Variants in EPB41L4A observed in about 807,000 individuals in gnomAD.
EPB41L4A encodes the protein erythrocyte membrane protein band 4.1 like 4A, also known as band 4.1-like protein 4A.
In EPB41L4A, 100 loss-of-function variants were observed where a neutral mutation model predicts 108.6. The ratio of observed to expected loss-of-function variants is 0.92; its 90% CI spans 0.78 to 1.09. The LOEUF is 1.09. Among genes scored for constraint, EPB41L4A ranks in the 50% least tolerant of loss-of-function variants. The pLI is 0.00. For synonymous variants in EPB41L4A, 319 were observed against 289.0 expected (o/e 1.10, Z -1.05); for missense variants, 1,030 against 842.7 (o/e 1.22, Z -2.75).
chr5:112,246,337 A>G (rs1026812524), intron 9 of EPB41L4A, among the ~76,000 whole-genome samples: 1 of 152,182 alleles, frequency 6.6e-6, no homozygotes, highest in African/African-American at 2.4e-5. Context: ...ATACATAAAT[A>G]CTTACCATAG....
intron 15 of EPB41L4A, chr5:112,196,917 T>A (rs1761990683): frequency 6.6e-6 from 1 of 152,220 alleles, no homozygotes; most frequent in African/African-American, 2.4e-5. Flanking sequence ...ATGATTTTGT[T>A]TTCTCCTTCC....
chr5:112,146,002 T>A (rs369963074), intron 12 of EPB41L4A: 5 of 455,408 alleles, frequency 1.1e-5, no homozygotes, highest in Admixed American at 9.5e-5. Flanking sequence ...GGACACCCTG[T>A]TAAAGAAAAA....
At chr5:112,353,566 A>G (rs186586891) in intron 1 of EPB41L4A, among the ~76,000 whole-genome samples, 1 of 151,838 alleles carries the variant, frequency 6.6e-6, no homozygotes, top group East Asian at 1.9e-4. Flanking sequence ...CGGTGGGCCC[A>G]TTTTCAGACC....
chr5:112,359,978 G>A (rs75053001), intron 1 of EPB41L4A, among the ~76,000 whole-genome samples: 3,822 of 152,220 alleles, frequency 0.025, 168 homozygotes, highest in African/African-American at 0.086. Context: ...AATTACTGAC[G>A]TGTATGTGCT....
At chr5:112,143,625 A>G (rs1191282296) in exon 14 of EPB41L4A, 4 of 203,342 alleles carry the variant, frequency 2.0e-5, no homozygotes, top group Non-Finnish European at 4.2e-5. Context: ...CATTCTTACT[A>G]TTGCAGACAG....
chr5:112,387,026 T>G (rs1319130322), intron 1 of EPB41L4A, among the ~76,000 whole-genome samples: 1 of 152,064 alleles, frequency 6.6e-6, no homozygotes, highest in Non-Finnish European at 1.5e-5. Flanking sequence ...CTTTGGATAC[T>G]GATTTAAGGC....
chr5:112,279,901 C>T (rs2150505109), intron 3 of EPB41L4A, among the ~76,000 whole-genome samples: 1 of 152,238 alleles, frequency 6.6e-6, no homozygotes, highest in South Asian at 2.1e-4. Flanking sequence ...AACTCAAGCT[C>T]TTTAAAAGCT....
rs1226940818 is a variant in EPB41L4A at position 112,164,772 on chromosome 5, T to TGCGGTGAGCTGAC, written c.*205_*217dup. On this transcript the variant is annotated 3_prime_UTR_variant, in exon 23 of 23. Coordinates refer to ENST00000261486, the MANE Select transcript of EPB41L4A (RefSeq NM_022140.5). ...ATCGCTTAACCCAGTAAGTGGAGGC[T>TGCGGTGAGCTGAC]GCGGTGAGCTGACACGGTGCCGCTG... The TGCGGTGAGCTGAC allele has an allele frequency of 1.1e-5, 4 of 348,276 alleles. No individual in the cohort carries two copies. Among genetic ancestry groups the TGCGGTGAGCTGAC allele is most frequent in the Non-Finnish European group, 2.0e-5 (4 of 198,598 alleles). The allele number at this position is 348,276 out of a possible 1,614,324, so 21.6% of individuals were successfully genotyped here. A position where few individuals can be genotyped will look rare whatever the true frequency, so the allele number is the denominator to read the frequency against.
At chr5:112,204,152 AG>A (rs1161863947) in intron 15 of EPB41L4A, among the ~76,000 whole-genome samples, 1 of 151,834 alleles carries the variant, frequency 6.6e-6, no homozygotes, top group Admixed American at 6.6e-5. Flanking sequence ...GAATACAGAA[AG>A]CAAGTTCCTG....
intron 1 of EPB41L4A, among the ~76,000 whole-genome samples, chr5:112,374,356 G>A (rs1759677710): frequency 6.6e-6 from 1 of 152,324 alleles, no homozygotes; most frequent in South Asian, 2.1e-4. Flanking sequence ...ACCCAAAGCT[G>A]TAGATCAAAA....
At chr5:112,352,795 T>C (rs753589233) in intron 1 of EPB41L4A, among the ~76,000 whole-genome samples, 16 of 152,236 alleles carry the variant, frequency 1.1e-4, no homozygotes, top group Middle Eastern at 3.2e-3. Context: ...TATCACTACA[T>C]TGAATACTCT....
At chr5:112,245,870 G>A (rs1330765047) in intron 9 of EPB41L4A, among the ~76,000 whole-genome samples, 1 of 152,204 alleles carries the variant, frequency 6.6e-6, no homozygotes, top group African/African-American at 2.4e-5. Flanking sequence ...CCAGAAAAGA[G>A]TGTCAGAGAG....
intron 15 of EPB41L4A, among the ~76,000 whole-genome samples, chr5:112,202,505 G>A (rs1403106493): frequency 2.0e-5 from 3 of 152,176 alleles, no homozygotes; most frequent in Non-Finnish European, 2.9e-5. Flanking sequence ...ATTTCCCAAA[G>A]GGTTATTATT....
intron 12 of EPB41L4A, among the ~76,000 whole-genome samples, chr5:112,152,899 T>A (rs927914680): frequency 4.6e-5 from 7 of 152,226 alleles, no homozygotes; most frequent in African/African-American, 1.7e-4. Flanking sequence ...TGTATGAATA[T>A]GGATGCAATA....
chr5:112,196,162 G>T (rs1286628988), intron 15 of EPB41L4A, among the ~76,000 whole-genome samples: 1 of 152,046 alleles, frequency 6.6e-6, no homozygotes, highest in African/African-American at 2.4e-5. Context: ...CAAACACTTT[G>T]CTCTCTTACC....
chr5:112,230,590 CCTG>C (rs1179047748), intron 12 of EPB41L4A, among the ~76,000 whole-genome samples: 8 of 151,826 alleles, frequency 5.3e-5, no homozygotes, highest in Admixed American at 2.0e-4. Flanking sequence ...CATTTTTTTT[CCTG>C]CTGATTTCAG....
At chr5:112,175,711 T>TAG (rs772302063) in intron 18 of EPB41L4A, among the ~76,000 whole-genome samples, 2 of 119,114 alleles carry the variant, frequency 1.7e-5, no homozygotes, top group African/African-American at 3.0e-5. Flanking sequence ...GTATATATTA[T>TAG]ATCTGAAGAT....
At chr5:112,166,311 G>T (rs1324435190) in intron 22 of EPB41L4A, among the ~76,000 whole-genome samples, 1 of 152,134 alleles carries the variant, frequency 6.6e-6, no homozygotes, top group Non-Finnish European at 1.5e-5. Flanking sequence ...CCCCTTCTCC[G>T]CTTGGCAGCC....
At chr5:112,410,088 G>A (rs1524422) in intron 1 of EPB41L4A, among the ~76,000 whole-genome samples, 4,507 of 152,236 alleles carry the variant, frequency 0.03, 244 homozygotes, top group African/African-American at 0.1. Context: ...TGAAACCTAG[G>A]CAGAACTCTC....
Sources: allele counts gnomAD v4.1 joint callset (sites outside exome capture counted in the v4.1 genomes callset), GRCh38; gene constraint gnomAD v4.1.1; transcripts MANE v1.5; gene names NCBI Gene and HGNC (gene_info 2026-07-23, HGNC 2026-07-21).